The following LONRF2 variants were observed in gnomAD, a reference collection of about 807,000 sequenced individuals.
The protein encoded by LONRF2 is LON peptidase N-terminal domain and ring finger 2.
A neutral mutation model predicts 66.6 loss-of-function variants in LONRF2; 35 were observed. That is an observed-to-expected ratio of 0.53 (90% CI 0.40 to 0.70). The LOEUF (loss-of-function observed/expected upper bound fraction) is 0.70, where lower values mean the gene tolerates loss of function less well. Among genes scored for constraint, LONRF2 ranks in the 30% least tolerant of loss-of-function variants. The pLI is 0.00. For synonymous variants in LONRF2, 417 were observed against 418.1 expected (o/e 1.00, Z 0.03); for missense variants, 902 against 1,002.1 (o/e 0.90, Z 1.35).
intron 11 of LONRF2, 140 bp downstream of exon 11, chr2:100,286,774 G>A: frequency 2.3e-6 from 2 of 864,416 alleles, no homozygotes; most frequent in Non-Finnish European, 3.4e-6. Context: ...TGCTCCTTTG[G>A]GCTGTTAGTA....
At chr2:100,289,735 C>T (rs1052225321) in intron 10 of LONRF2, among the ~76,000 whole-genome samples, 3 of 152,110 alleles carry the variant, frequency 2.0e-5, no homozygotes, top group African/African-American at 7.2e-5. Flanking sequence ...CATGCCTGGC[C>T]AGATCATTTT....
chr2:100,307,627 T>C (rs1235384198), intron 2 of LONRF2, among the ~76,000 whole-genome samples: 2 of 152,116 alleles, frequency 1.3e-5, no homozygotes, highest in Admixed American at 1.3e-4. Flanking sequence ...AGATACAGAA[T>C]TTCAGCTGAA....
intron 8 of LONRF2, 141 bp downstream of exon 8, chr2:100,295,291 A>C: frequency 1.6e-6 from 1 of 644,344 alleles, no homozygotes; most frequent in Non-Finnish European, 2.4e-6. Context: ...TTATGTTTCC[A>C]AAAATATTTT....
At chr2:100,303,430 A>G (rs1675227061) in intron 2 of LONRF2, among the ~76,000 whole-genome samples, 1 of 152,258 alleles carries the variant, frequency 6.6e-6, no homozygotes, top group Non-Finnish European at 1.5e-5. Context: ...ACTAAAAACA[A>G]TTACAATACA....
At chr2:100,320,140 A>C (rs1044398142) in intron 1 of LONRF2, among the ~76,000 whole-genome samples, 15 of 152,334 alleles carry the variant, frequency 9.8e-5, no homozygotes, top group Admixed American at 3.9e-4. Context: ...AATATTTTGG[A>C]TGTATAGGGT....
At chr2:100,305,288 A>G (rs903240262) in intron 2 of LONRF2, among the ~76,000 whole-genome samples, 4 of 151,898 alleles carry the variant, frequency 2.6e-5, no homozygotes, top group Admixed American at 2.6e-4. Flanking sequence ...CTGTTTTTGG[A>G]TGTTTTATAG....
At chr2:100,304,382 T>G (rs1573120299) in intron 2 of LONRF2, among the ~76,000 whole-genome samples, 1 of 151,908 alleles carries the variant, frequency 6.6e-6, no homozygotes, top group African/African-American at 2.4e-5. Flanking sequence ...CCTCAAGTGA[T>G]CCTCCTGCCT....
At chr2:100,288,838 T>C (rs868855178) in intron 10 of LONRF2, among the ~76,000 whole-genome samples, 1 of 152,214 alleles carries the variant, frequency 6.6e-6, no homozygotes, top group Non-Finnish European at 1.5e-5. Flanking sequence ...AGTATTCCAT[T>C]GCATGAATGG....
At chr2:100,285,878 T>C (rs1674835452) in intron 11 of LONRF2, among the ~76,000 whole-genome samples, 1 of 152,158 alleles carries the variant, frequency 6.6e-6, no homozygotes, top group African/African-American at 2.4e-5. Flanking sequence ...GTTCGTGAAA[T>C]TTCTTAACAG....
chr2:100,308,807 A>G lies in LONRF2; in HGVS notation c.798+300T>C, dbSNP rs750253132. ...AATTTTAAATATTTTTTCTTCACTTACAACTTTATAAAATTTGATGATTTT... is the reference window on the plus strand; with the variant it reads ...AATTTTAAATATTTTTTCTTCACTTGCAACTTTATAAAATTTGATGATTTT... On this transcript the variant is annotated intron_variant, in intron 2 of 11. Transcript: ENST00000393437. 7.4e-4 allele frequency among the ~76,000 whole-genome samples: 111 copies of G among 150,764 alleles called. No individual in the cohort carries two copies. In the Middle Eastern group the frequency reaches 0.01, roughly 14 times the overall value.
intron 1 of LONRF2, among the ~76,000 whole-genome samples, chr2:100,314,830 G>T (rs1675474338): frequency 6.6e-6 from 1 of 152,114 alleles, no homozygotes; most frequent in African/African-American, 2.4e-5. Context: ...ATATGTGAGA[G>T]TCAGTTTCAA....
chr2:100,311,770 A>G (rs1675413085), intron 1 of LONRF2, among the ~76,000 whole-genome samples: 1 of 152,118 alleles, frequency 6.6e-6, no homozygotes, highest in Non-Finnish European at 1.5e-5. Flanking sequence ...GTAGGTGTTG[A>G]ATTTTATAGA....
At chr2:100,319,901 A>T (rs1675586509) in intron 1 of LONRF2, among the ~76,000 whole-genome samples, 1 of 152,194 alleles carries the variant, frequency 6.6e-6, no homozygotes, top group Non-Finnish European at 1.5e-5. Context: ...GATACTACCA[A>T]ATATTTTTCA....
intron 1 of LONRF2, among the ~76,000 whole-genome samples, chr2:100,319,061 C>T (rs1461516385): frequency 6.7e-5 from 10 of 148,420 alleles, no homozygotes; most frequent in African/African-American, 1.2e-4. Context: ...ACCAGGGAGT[C>T]GGAGGTTGTA....
In LONRF2 at chr2:100,288,721, C is replaced by T. The variant is rs192807720; in HGVS notation, c.1920+1537G>A. Among the ~76,000 whole-genome samples, 116 of 152,316 alleles carry T rather than the reference C, an allele frequency of 7.6e-4. 1 individual carries two copies. The highest frequency in any genetic ancestry group is 2.3e-3 in the African/African-American group (96 of 41,560). On this transcript the variant is annotated intron_variant, in intron 10 of 11. Transcript: ENST00000393437. Reference sequence around the variant, plus strand: ...CTGGAAGTATACAGATGAAGCCACGCGGTATGTGTTCGTCCTGTGTCTGGC... The same window carrying T: ...CTGGAAGTATACAGATGAAGCCACGTGGTATGTGTTCGTCCTGTGTCTGGC...
intron 1 of LONRF2, among the ~76,000 whole-genome samples, chr2:100,318,341 T>C (rs933637608): frequency 1.3e-5 from 2 of 152,240 alleles, no homozygotes; most frequent in African/African-American, 4.8e-5. Context: ...TATATTTTCA[T>C]ACATTTATTT....
intron 1 of LONRF2, among the ~76,000 whole-genome samples, chr2:100,315,704 G>A (rs896688250): frequency 6.6e-6 from 1 of 152,152 alleles, no homozygotes; most frequent in Non-Finnish European, 1.5e-5. Flanking sequence ...TGCTACTGAT[G>A]TGATATTCTT....
At chr2:100,307,590 A>C (rs978841154) in intron 2 of LONRF2, among the ~76,000 whole-genome samples, 1 of 152,138 alleles carries the variant, frequency 6.6e-6, no homozygotes, top group African/African-American at 2.4e-5. Context: ...GTGGCAGGGG[A>C]GAGGAATTGG....
Position 100,280,599 on chromosome 2 carries a change from C to T in LONRF2, c.*3699G>A, listed in dbSNP as rs1003969140. 2.0e-5 allele frequency: 3 copies of T among 151,722 alleles called. No homozygotes were observed. Among genetic ancestry groups the T allele is most frequent in the Non-Finnish European group, 2.9e-5 (2 of 68,018 alleles). 9.4% of individuals were successfully genotyped at this position (151,722 alleles called of 1,614,324 possible). ...GACCAGCCTGACCAACATGGTGAAA[C>T]CCCATCTCTACTAAAAAAAAAAAAT... On this transcript the variant is annotated 3_prime_UTR_variant, in exon 12 of 12. Coordinates refer to ENST00000393437, the MANE Select transcript of LONRF2 (RefSeq NM_198461.4).
Sources: allele counts gnomAD v4.1 joint callset (sites outside exome capture counted in the v4.1 genomes callset), GRCh38; gene constraint gnomAD v4.1.1; transcripts MANE v1.5; gene names NCBI Gene and HGNC (gene_info 2026-07-23, HGNC 2026-07-21).